Variants in NUP98 observed in about 807,000 individuals in gnomAD.
NUP98 encodes nucleoporin 98 and 96 precursor.
In NUP98, 26 loss-of-function variants were observed where a neutral mutation model predicts 191.9. The ratio of observed to expected loss-of-function variants is 0.14; its 90% CI spans 0.10 to 0.19. The LOEUF (loss-of-function observed/expected upper bound fraction) is 0.19, where lower values mean the gene tolerates loss of function less well. Ranked by LOEUF, NUP98 falls within the 10% of genes least tolerant of loss-of-function variation. The probability of loss-of-function intolerance (pLI) is 1.00; values close to 1 mark genes in which losing one functional copy is unlikely to be tolerated. For missense variants in NUP98, 1,941 were observed against 2,178.8 expected (o/e 0.89, Z 2.17); for synonymous variants, 808 against 778.4 (o/e 1.04, Z -0.63).
intron 18 of NUP98, among the ~76,000 whole-genome samples, chr11:3,718,404 C>A (rs552110339): frequency 3.9e-4 from 60 of 151,988 alleles, no homozygotes; most frequent in Admixed American, 5.9e-4. Context: ...AGCATGGTGG[C>A]GGGCACCTAT....
intron 28 of NUP98, among the ~76,000 whole-genome samples, chr11:3,688,664 G>A (rs555138972): frequency 1.0e-4 from 15 of 150,152 alleles, no homozygotes; most frequent in African/African-American, 2.2e-4. Context: ...GCTTTGTGGC[G>A]CATGCCTGTA....
intron 18 of NUP98, among the ~76,000 whole-genome samples, chr11:3,718,489 C>A (rs1392922389): frequency 6.6e-6 from 1 of 151,620 alleles, no homozygotes; most frequent in Non-Finnish European, 1.5e-5. Flanking sequence ...TAAGCTGAGA[C>A]TATACCACTG....
intron 18 of NUP98, among the ~76,000 whole-genome samples, chr11:3,717,810 T>G (rs1319160604): frequency 2.0e-5 from 3 of 152,142 alleles, no homozygotes; most frequent in Non-Finnish European, 4.4e-5. Context: ...TGGATTTTGG[T>G]AAATACTTTT....
At chr11:3,792,207 A>C (rs1014643008) in intron 1 of NUP98, among the ~76,000 whole-genome samples, 2 of 138,782 alleles carry the variant, frequency 1.4e-5, no homozygotes, top group Non-Finnish European at 3.1e-5. Flanking sequence ...AAAAAAAAAA[A>C]AACATGTATT....
chr11:3,697,498 T>C (rs2078545373), intron 25 of NUP98, among the ~76,000 whole-genome samples: 1 of 152,082 alleles, frequency 6.6e-6, no homozygotes, highest in African/African-American at 2.4e-5. Flanking sequence ...AGCTGAACTA[T>C]GCCATCCTGT....
intron 12 of NUP98, among the ~76,000 whole-genome samples, chr11:3,736,044 G>A (rs1044859915): frequency 1.3e-5 from 2 of 148,482 alleles, no homozygotes; most frequent in Non-Finnish European, 3.0e-5. Context: ...TGGGACTACA[G>A]GGGTGAGTCA....
intron 14 of NUP98, among the ~76,000 whole-genome samples, chr11:3,730,344 G>A (rs2079796013): frequency 6.6e-6 from 1 of 151,876 alleles, no homozygotes; most frequent in Admixed American, 6.6e-5. Flanking sequence ...TCCATCTTTG[G>A]TGAAGCAGTT....
chr11:3,787,200 C>T (rs2082170849), intron 1 of NUP98, among the ~76,000 whole-genome samples: 2 of 152,148 alleles, frequency 1.3e-5, no homozygotes, highest in South Asian at 4.1e-4. Context: ...ATAACATATC[C>T]CAACAAAACT....
chr11:3,775,356 G>A (rs1165995374), intron 5 of NUP98, among the ~76,000 whole-genome samples: 3 of 151,848 alleles, frequency 2.0e-5, no homozygotes, highest in African/African-American at 7.3e-5. Flanking sequence ...ATGGTGAAAC[G>A]CCATCTCTAC....
intron 11 of NUP98, among the ~76,000 whole-genome samples, chr11:3,746,269 CAA>C (rs66773761): frequency 5.9e-5 from 2 of 33,942 alleles, no homozygotes; most frequent in African/African-American, 1.1e-4. Flanking sequence ...AACTTTATCT[CAA>C]AAAAAAAAAA....
At chr11:3,763,067 G>T in intron 8 of NUP98, 28 bp from the exon 9 acceptor site, 1 of 1,603,444 alleles carries the variant, frequency 6.2e-7, no homozygotes, top group South Asian at 1.1e-5. Context: ...TAGATTAAAA[G>T]ATATCCTGTA....
chr11:3,687,607 T>C (rs1462656792), intron 28 of NUP98, among the ~76,000 whole-genome samples: 1 of 152,178 alleles, frequency 6.6e-6, no homozygotes, highest in African/African-American at 2.4e-5. Flanking sequence ...AAAAGGTCAA[T>C]ATGATTGCTA....
intron 20 of NUP98, among the ~76,000 whole-genome samples, chr11:3,707,366 AAATT>A (rs1001826024): frequency 4.6e-5 from 7 of 152,192 alleles, no homozygotes; most frequent in Admixed American, 1.3e-4. Context: ...AACACACTGT[AAATT>A]AATTGGTACA....
At chr11:3,737,962 T>C (rs2080133144) in intron 12 of NUP98, among the ~76,000 whole-genome samples, 1 of 151,570 alleles carries the variant, frequency 6.6e-6, no homozygotes, top group African/African-American at 2.4e-5. Flanking sequence ...CAAGAAAAAC[T>C]TTAGAGAACT....
chr11:3,705,041 A>G (rs2078817725), intron 22 of NUP98, among the ~76,000 whole-genome samples, 159 bp downstream of exon 22: 1 of 152,204 alleles, frequency 6.6e-6, no homozygotes, highest in South Asian at 2.1e-4. Context: ...CTTAATGAAT[A>G]CTTATAAGTA....
chr11:3,735,299 A>T lies in NUP98; in HGVS notation c.1434T>A (p.Ala478=), dbSNP rs1265838544. ...GCTGCTGGAGAACAGCCTGCTGGGC[A>T]GCAGAAGCATTTGGATCTGTCAAAG... ...PVALTDPNAS[A]AQQAVLQQHI... Residue 478 remains alanine (A), a synonymous_variant, in exon 13 of 33, where the codon GCT becomes GCA. Coordinates refer to ENST00000324932, the MANE Select transcript of NUP98 (RefSeq NM_016320.5). 1.0e-5 allele frequency: 16 copies of T among 1,560,132 alleles called. No individual in the cohort carries two copies. The highest frequency in any genetic ancestry group is 1.3e-5 in the Non-Finnish European group (15 of 1,151,048).
intron 23 of NUP98, 55 bp from the exon 24 acceptor site, chr11:3,700,894 ATTT>A: frequency 8.2e-7 from 1 of 1,213,838 alleles, no homozygotes; most frequent in Non-Finnish European, 1.2e-6. Context: ...AGAAGCTAGG[ATTT>A]TTACTTCAAC....
At position 3,676,364 on chromosome 11, in the gene NUP98, C is replaced by G; in HGVS notation, c.5198G>C (p.Arg1733Pro). ...DRLAQSDMAK[R>P]VANLLRVVLS... is the part of the protein sequence containing the mutation. The stretch of plus-strand genomic sequence containing the variant: ...CACCACGCGCAGCAGGTTGGCTACA[C>G]GTTTGGCCATGTCTAGAGAGAAAAA... The change falls in exon 33 of 33, where the codon CGT (arginine) becomes CCT (proline). Residue 1733 changes from arginine to proline, a missense_variant. Arg to Pro is a moderately radical substitution (Grantham distance 103). Around this residue, in one of 6 missense-constraint regions of NUP98, gnomAD observed 1,030 missense variants for 1,115.8 expected, o/e 0.92. Coordinates refer to ENST00000324932, the MANE Select transcript of NUP98 (RefSeq NM_016320.5). 1 of 1,613,878 alleles carries G rather than the reference C, an allele frequency of 6.2e-7. No homozygotes were observed. Among genetic ancestry groups the G allele is most frequent in the African/African-American group, 1.3e-5 (1 of 74,982 alleles).
chr11:3,675,773 A>G lies in NUP98; in HGVS notation c.*386T>C. 2.9e-6 allele frequency: 1 copy of G among 349,022 alleles called. No individual in the cohort carries two copies. Among genetic ancestry groups the G allele is most frequent in the Admixed American group, 4.5e-5 (1 of 22,182 alleles). The allele number at this position is 349,022 out of a possible 1,614,324, so 21.6% of individuals were successfully genotyped here. ...TGTCTCACTCCTCCTAAGGAGTCCT[A>G]GTATAAAAGGGCCAGGGTAGGAGTA... On this transcript the variant is annotated 3_prime_UTR_variant, in exon 33 of 33. Coordinates refer to ENST00000324932, the MANE Select transcript of NUP98 (RefSeq NM_016320.5).
Sources: allele counts gnomAD v4.1 joint callset (sites outside exome capture counted in the v4.1 genomes callset), GRCh38; gene constraint gnomAD v4.1.1; regional missense constraint gnomAD v4.1.1; transcripts MANE v1.5; gene names NCBI Gene and HGNC (gene_info 2026-07-23, HGNC 2026-07-21).